The following SLC29A1 variants were observed in gnomAD, a reference collection of about 807,000 sequenced individuals.
The protein encoded by SLC29A1 is solute carrier family 29 member 1 (Augustine blood group), also known as equilibrative nucleoside transporter 1.
Under a neutral mutation model 48.3 loss-of-function variants are expected in SLC29A1, and 22 were observed. The observed-to-expected ratio is 0.46, with a 90% CI of 0.33 to 0.65. The LOEUF (loss-of-function observed/expected upper bound fraction) is 0.65. Among genes scored for constraint, SLC29A1 ranks in the 30% least tolerant of loss-of-function variants. The probability of loss-of-function intolerance (pLI) is 0.03; values close to 1 mark genes in which losing one functional copy is unlikely to be tolerated. For synonymous variants in SLC29A1, 228 were observed against 231.0 expected, an observed-to-expected ratio of 0.99 and a Z score of 0.12; for missense variants, 491 against 575.3, an observed-to-expected ratio of 0.85 and a Z score of 1.50.
At position 44,232,984 on chromosome 6, in the gene SLC29A1, C is replaced by G. The variant is rs746549866; in HGVS notation, c.1237C>G (p.Leu413Val). ...FAFSNGYLAS[L>V]CMCFGPKKVK... ...CTTCTCCAACGGCTACCTCGCCAGCCTCTGCATGTGCTTCGGGCCCAAGTG... is the reference window on the plus strand; with the variant it reads ...CTTCTCCAACGGCTACCTCGCCAGCGTCTGCATGTGCTTCGGGCCCAAGTG... Residue 413 changes from leucine (L) to valine (V), a missense_variant, in exon 12 of 13, where the codon CTC (leucine) becomes GTC (valine). Transcript: ENST00000371755. The surrounding 1 kb of genome is among the most constrained non-coding windows in gnomAD (Gnocchi z 4.7). 6 of 1,613,368 alleles carry G rather than the reference C, an allele frequency of 3.7e-6. No homozygotes were observed. The highest frequency in any genetic ancestry group is 5.1e-6 in the Non-Finnish European group (6 of 1,180,050).
At chr6:44,224,331 C>T (rs575815267) in intron 1 of SLC29A1, among the ~76,000 whole-genome samples, 5 of 151,604 alleles carry the variant, frequency 3.3e-5, no homozygotes, top group African/African-American at 4.9e-5. Context: ...CTCCAACTTT[C>T]CTCCTGCTTG....
chr6:44,219,994 C>T (rs867227366), upstream of SLC29A1, among the ~76,000 whole-genome samples: 5 of 152,176 alleles, frequency 3.3e-5, no homozygotes, highest in Non-Finnish European at 4.4e-5. Flanking sequence ...TCCCCAAACT[C>T]CCCAGCCACT....
chr6:44,220,257 A>T (rs1776190495), upstream of SLC29A1, among the ~76,000 whole-genome samples: 1 of 151,566 alleles, frequency 6.6e-6, no homozygotes, highest in Non-Finnish European at 1.5e-5. Flanking sequence ...AGCCTACTGC[A>T]GCCTCGACCT....
chr6:44,223,029 A>G (rs1776641992), upstream of SLC29A1, among the ~76,000 whole-genome samples: 1 of 152,196 alleles, frequency 6.6e-6, no homozygotes, highest in Admixed American at 6.5e-5. The surrounding 1 kb of genome is among the most constrained non-coding windows in gnomAD (Gnocchi z 5.0). Context: ...GGGATGGGAA[A>G]ACCCATCATG....
Position 44,232,743 on chromosome 6 carries a change from C to A in SLC29A1, c.1060-64C>A. On this transcript the variant is annotated intron_variant, in intron 11 of 12. Coordinates refer to ENST00000371755, the MANE Select transcript of SLC29A1 (RefSeq NM_001372327.1). The surrounding 1 kb of genome is among the most constrained non-coding windows in gnomAD (Gnocchi z 4.7). ...AGATCCTGAGGGGCCCCAGATGGAT[C>A]CTTGGGGGCCTGGCTGTGCCCTGGG... is the stretch of plus-strand genomic sequence containing the variant. 6.6e-7 allele frequency: 1 copy of A among 1,525,416 alleles called. No homozygotes were observed. Among genetic ancestry groups the A allele is most frequent in the Non-Finnish European group, 9.0e-7 (1 of 1,116,754 alleles). The allele number at this position is 1,525,416 out of a possible 1,614,324, so 94.5% of individuals were successfully genotyped here.
At chr6:44,231,897 T>G (rs1249934010) in intron 9 of SLC29A1, 101 bp from the exon 10 acceptor site, 5 of 829,412 alleles carry the variant, frequency 6.0e-6, no homozygotes, top group Non-Finnish European at 1.0e-5. Flanking sequence ...GTGCTGAGAT[T>G]ACAGGCGTGA....
chr6:44,222,096 G>A (rs552004848), upstream of SLC29A1, among the ~76,000 whole-genome samples: 4 of 152,292 alleles, frequency 2.6e-5, no homozygotes, highest in South Asian at 6.2e-4. Context: ...GAGGGCAGAG[G>A]AGGGCTAGGA....
intron 7 of SLC29A1, 46 bp downstream of exon 7, chr6:44,230,711 G>GGGGT: frequency 2.0e-6 from 2 of 1,025,492 alleles, no homozygotes; most frequent in Non-Finnish European, 3.0e-6. Flanking sequence ...GGGGTCTGGG[G>GGGGT]TTCCAGACCA....
chr6:44,230,790 C>A, intron 7 of SLC29A1, 21 bp from the exon 8 acceptor site: 1 of 1,607,286 alleles, frequency 6.2e-7, no homozygotes, highest in Non-Finnish European at 8.5e-7. Context: ...ATCCACCTCC[C>A]CCGTCTCCCT....
At chr6:44,228,482 T>G (rs1778079234) in intron 2 of SLC29A1, among the ~76,000 whole-genome samples, 1 of 152,242 alleles carries the variant, frequency 6.6e-6, no homozygotes, top group Admixed American at 6.5e-5. Context: ...CATCCCTGTA[T>G]GAGGCCTGCC....
At chr6:44,228,954 C>T (rs1428041128) in intron 2 of SLC29A1, among the ~76,000 whole-genome samples, 1 of 152,230 alleles carries the variant, frequency 6.6e-6, no homozygotes, top group Non-Finnish European at 1.5e-5. Flanking sequence ...GGGAGTAACA[C>T]AGTCCCTGAC....
intron 1 of SLC29A1, chr6:44,226,234 G>GGC: frequency 4.4e-6 from 2 of 454,466 alleles, no homozygotes; most frequent in Non-Finnish European, 5.8e-6. Context: ...CCTGGGCCCA[G>GGC]CTAGGCCTGA....
At position 44,231,039 on chromosome 6, in the gene SLC29A1, T is replaced by C. The variant is rs1047069102; in HGVS notation, c.766+150T>C. The C allele has an allele frequency of 1.6e-5, 11 of 692,430 alleles. No homozygotes were observed. In the South Asian group the frequency reaches 1.6e-4, roughly 10 times the overall value. 42.9% of individuals were successfully genotyped at this position (692,430 alleles called of 1,614,324 possible). A position where few individuals can be genotyped will look rare whatever the true frequency, so the allele number is the denominator to read the frequency against. ...GACTACAGCAGGGAGAGGGGGACAA[T>C]AGGAAATAAGGGCCGGCAATGATAA... is the stretch of plus-strand genomic sequence containing the variant. On this transcript the variant is annotated intron_variant, in intron 8 of 12. Coordinates refer to ENST00000371755, the MANE Select transcript of SLC29A1 (RefSeq NM_001372327.1).
chr6:44,223,101 G>C (rs968146518), upstream of SLC29A1, among the ~76,000 whole-genome samples: 10 of 152,228 alleles, frequency 6.6e-5, no homozygotes, highest in African/African-American at 2.4e-4. This position sits in a 1 kb window ranked among gnomAD's most constrained non-coding sequence, Gnocchi z 5.0. Context: ...AGAGGAGGGG[G>C]ACTGAAAGAA....
upstream of SLC29A1, chr6:44,219,660 T>C (rs1390316383): frequency 1.0e-5 from 13 of 1,266,690 alleles, no homozygotes; most frequent in Non-Finnish European, 1.3e-5. Context: ...CGGCGCGGGC[T>C]GCGCTCTCCA....
intron 2 of SLC29A1, among the ~76,000 whole-genome samples, chr6:44,228,487 C>T (rs1778079948): frequency 6.6e-6 from 1 of 152,252 alleles, no homozygotes; most frequent in African/African-American, 2.4e-5. Context: ...CTGTATGAGG[C>T]CTGCCAGCGG....
chr6:44,230,450 T>C lies in SLC29A1; in HGVS notation c.558T>C (p.Phe186=), dbSNP rs754453178. Residue 186 remains phenylalanine (F), a synonymous_variant, in exon 6 of 13, where the codon TTT becomes TTC. Transcript: ENST00000371755. ...IMSGQGLAGF[F]ASVAMICAIA... Reference sequence around the variant, plus strand: ...GTGGCCAGGGCCTAGCAGGCTTCTTTGCCTCCGTGGCCATGATCTGCGCTA... The same window carrying C: ...GTGGCCAGGGCCTAGCAGGCTTCTTCGCCTCCGTGGCCATGATCTGCGCTA... 6.2e-6 allele frequency: 10 copies of C among 1,614,020 alleles called. No individual in the cohort carries two copies. Among genetic ancestry groups the C allele is most frequent in the South Asian group, 1.1e-5 (1 of 91,090 alleles).
intron 12 of SLC29A1, 29 bp from the exon 13 acceptor site, chr6:44,233,388 G>C (rs776792459): frequency 2.5e-6 from 4 of 1,577,598 alleles, no homozygotes; most frequent in Non-Finnish European, 3.5e-6. Context: ...GCCATTCTGA[G>C]GTAGCCTTGC....
intron 1 of SLC29A1, 36 bp from the exon 2 acceptor site, chr6:44,227,227 C>T (rs765865895): frequency 1.9e-6 from 3 of 1,595,524 alleles, no homozygotes; most frequent in Non-Finnish European, 1.7e-6. Flanking sequence ...ATGGCAGGGC[C>T]AAGACAGGGC....
Sources: allele counts gnomAD v4.1 joint callset (sites outside exome capture counted in the v4.1 genomes callset), GRCh38; gene constraint gnomAD v4.1.1; non-coding constraint Gnocchi (gnomAD v3.1); transcripts MANE v1.5; gene names NCBI Gene and HGNC (gene_info 2026-07-23, HGNC 2026-07-21).